PARD3B: variants seen among roughly 807,000 people sequenced by gnomAD.
PARD3B encodes the protein partitioning defective 3 homolog B.
PARD3B carries 103 observed loss-of-function variants against 130.2 expected under a neutral mutation model. The ratio of observed to expected loss-of-function variants is 0.79; its 90% CI spans 0.67 to 0.93. PARD3B has a LOEUF of 0.93. Ranked by LOEUF, PARD3B falls within the 40% of genes least tolerant of loss-of-function variation. The pLI is 0.00. For synonymous variants in PARD3B, 583 were observed against 553.2 expected (o/e 1.05, Z -0.76); for missense variants, 1,609 against 1,499.2 (o/e 1.07, Z -1.21).
chr2:205,583,747 A>G (rs1434850812), intron 22 of PARD3B, among the ~76,000 whole-genome samples: 1 of 152,194 alleles, frequency 6.6e-6, no homozygotes, highest in Admixed American at 6.5e-5. Context: ...TGGAACAACC[A>G]TTTTGATACA....
At chr2:205,451,017 C>T (rs1044697074) in intron 20 of PARD3B, among the ~76,000 whole-genome samples, 1 of 152,206 alleles carries the variant, frequency 6.6e-6, no homozygotes, top group African/African-American at 2.4e-5. Flanking sequence ...CCCAGAAGAG[C>T]TGTCAATAAC....
rs2038795727 is a variant in PARD3B at position 205,230,763 on chromosome 2, G to A, written c.2141-15015G>A. Among the ~76,000 whole-genome samples the A allele has an allele frequency of 6.6e-6, 1 of 152,156 alleles. No homozygotes were observed. The highest frequency in any genetic ancestry group is 1.5e-5 in the Non-Finnish European group (1 of 68,024). ...TTTCAAGTCTGTTTAGGACCCCAGA[G>A]CGCTTTAGCCTGCAGTGCCAAGGCT... On this transcript the variant is annotated intron_variant, in intron 15 of 22. Coordinates refer to ENST00000406610, the MANE Select transcript of PARD3B (RefSeq NM_001302769.2). This position sits in a 1 kb window ranked among gnomAD's most constrained non-coding sequence, Gnocchi z 4.1.
At chr2:204,959,983 A>G (rs1690603737) in intron 2 of PARD3B, among the ~76,000 whole-genome samples, 1 of 152,182 alleles carries the variant, frequency 6.6e-6, no homozygotes, top group African/African-American at 2.4e-5. Flanking sequence ...AAATCATGAG[A>G]TAAACATTTC....
intron 22 of PARD3B, among the ~76,000 whole-genome samples, chr2:205,555,307 A>G (rs1313389406): frequency 6.6e-6 from 1 of 152,152 alleles, no homozygotes; most frequent in Non-Finnish European, 1.5e-5. Context: ...CCTAGTATGT[A>G]CCAGGCCCTG....
At chr2:204,732,205 A>G (rs1331049183) in intron 2 of PARD3B, among the ~76,000 whole-genome samples, 1 of 152,088 alleles carries the variant, frequency 6.6e-6, no homozygotes, top group Non-Finnish European at 1.5e-5. Flanking sequence ...GCAGTTGTAC[A>G]AAGAAGAAAG....
intron 2 of PARD3B, among the ~76,000 whole-genome samples, chr2:204,964,095 A>G (rs892170366): frequency 6.6e-6 from 1 of 152,234 alleles, no homozygotes; most frequent in Non-Finnish European, 1.5e-5. Flanking sequence ...TAAATGCTTG[A>G]ATCATAAGTA....
chr2:205,505,985 A>AT (rs2050347529), intron 21 of PARD3B, among the ~76,000 whole-genome samples: 1 of 152,142 alleles, frequency 6.6e-6, no homozygotes, highest in Non-Finnish European at 1.5e-5. Flanking sequence ...TGGAAAAAAA[A>AT]GTGGGAGTTA....
intron 21 of PARD3B, among the ~76,000 whole-genome samples, chr2:205,502,926 C>G (rs896657488): frequency 1.3e-5 from 2 of 151,994 alleles, no homozygotes; most frequent in African/African-American, 4.8e-5. Context: ...GGCCTGAAGT[C>G]TAAGCTTTCT....
intron 2 of PARD3B, among the ~76,000 whole-genome samples, chr2:204,934,751 A>G (rs1688282666): frequency 6.6e-6 from 1 of 152,194 alleles, no homozygotes; most frequent in South Asian, 2.1e-4. Flanking sequence ...CTTCTGAAAA[A>G]AGGCAGGGTT....
At chr2:204,963,123 A>C (rs1284275823) in intron 2 of PARD3B, among the ~76,000 whole-genome samples, 1 of 152,160 alleles carries the variant, frequency 6.6e-6, no homozygotes, top group Non-Finnish European at 1.5e-5. Context: ...CTGGATTGAA[A>C]ATTAAAAAGA....
intron 10 of PARD3B, among the ~76,000 whole-genome samples, chr2:205,147,883 A>G (rs1351507712): frequency 6.6e-6 from 1 of 152,116 alleles, no homozygotes; most frequent in Non-Finnish European, 1.5e-5. Flanking sequence ...TCCTTTCTTT[A>G]TGAGTGACGT....
At chr2:205,213,935 C>A (rs1302561542) in intron 15 of PARD3B, among the ~76,000 whole-genome samples, 3 of 152,126 alleles carry the variant, frequency 2.0e-5, no homozygotes, top group Admixed American at 2.0e-4. Context: ...TAGGCAATCA[C>A]TTGACATAAT....
chr2:204,966,046 T>C (rs1049585226), intron 3 of PARD3B, among the ~76,000 whole-genome samples: 1 of 152,172 alleles, frequency 6.6e-6, no homozygotes, highest in African/African-American at 2.4e-5. Flanking sequence ...ATTTTGAGAC[T>C]ACTTAGAGCA....
intron 20 of PARD3B, among the ~76,000 whole-genome samples, chr2:205,476,515 G>A (rs1460987266): frequency 6.6e-6 from 1 of 152,130 alleles, no homozygotes; most frequent in African/African-American, 2.4e-5. Flanking sequence ...TTCTGGTGCT[G>A]TATCCACTGG....
chr2:205,128,102 C>A lies in PARD3B; in HGVS notation c.1434+2365C>A, dbSNP rs2031639362. ...CCTCAGTGGAACTATGTGCTTATTT[C>A]TGAGATAGGAGAGCAAAGAAATAAG... On this transcript the variant is annotated intron_variant, in intron 10 of 22. Coordinates refer to ENST00000406610, the MANE Select transcript of PARD3B (RefSeq NM_001302769.2). This position sits in a 1 kb window ranked among gnomAD's most constrained non-coding sequence, Gnocchi z 4.5. Among the ~76,000 whole-genome samples, 1 of 152,156 alleles carries A rather than the reference C, an allele frequency of 6.6e-6. No homozygotes were observed.
intron 5 of PARD3B, among the ~76,000 whole-genome samples, chr2:205,108,033 G>T (rs994672277): frequency 6.6e-6 from 1 of 151,990 alleles, no homozygotes; most frequent in Admixed American, 6.6e-5. Flanking sequence ...AAACGCCAGC[G>T]CATTTTAGCC....
intron 3 of PARD3B, among the ~76,000 whole-genome samples, chr2:204,968,918 A>G (rs916181010): frequency 3.3e-5 from 5 of 152,122 alleles, no homozygotes; most frequent in Admixed American, 6.5e-5. Flanking sequence ...CATAATTCCA[A>G]CCTCATTCAT....
chr2:205,135,148 T>C (rs565261703), intron 10 of PARD3B, among the ~76,000 whole-genome samples: 1 of 152,334 alleles, frequency 6.6e-6, no homozygotes, highest in African/African-American at 2.4e-5. Flanking sequence ...AAAAGTCATA[T>C]TGTGACCAAC....
chr2:204,883,633 A>T (rs897914791), intron 2 of PARD3B, among the ~76,000 whole-genome samples: 1 of 150,654 alleles, frequency 6.6e-6, no homozygotes, highest in Non-Finnish European at 1.5e-5. Flanking sequence ...TTTAGTAGAG[A>T]CAGGGTTTCA....
Sources: gnomAD v4.1 joint callset for allele counts (sites outside exome capture counted in the v4.1 genomes callset) on GRCh38, gnomAD v4.1.1 for gene constraint, Gnocchi (gnomAD v3.1) non-coding constraint, MANE v1.5 for transcripts, NCBI Gene and HGNC (gene_info 2026-07-23, HGNC 2026-07-21) for gene names.